Variants in TMEM26 observed in about 807,000 individuals in gnomAD.
TMEM26 encodes the protein transmembrane protein 26.
TMEM26 carries 38 observed loss-of-function variants against 28.8 expected under a neutral mutation model. The ratio of observed to expected loss-of-function variants is 1.32; its 90% CI spans 1.02 to 1.73. The LOEUF is 1.73. Ranked by LOEUF, TMEM26 falls within the 40% of genes most tolerant of loss-of-function variation. The pLI is 0.00. For missense variants in TMEM26, 518 were observed against 447.1 expected (o/e 1.16, Z -1.43); for synonymous variants, 227 against 182.9 (o/e 1.24, Z -1.95).
intron 1 of TMEM26, among the ~76,000 whole-genome samples, chr10:61,448,031 A>G (rs531170811): frequency 1.4e-4 from 21 of 152,388 alleles, no homozygotes; most frequent in South Asian, 8.3e-4. Flanking sequence ...ATTCACTTCC[A>G]TATTCTCAGT....
At position 61,436,178 on chromosome 10, in the gene TMEM26, C is replaced by T. The variant is rs573061733; in HGVS notation, c.262G>A (p.Glu88Lys). 1.2e-6 allele frequency: 2 copies of T among 1,602,978 alleles called. No homozygotes were observed. Among genetic ancestry groups the T allele is most frequent in the African/African-American group, 2.7e-5 (2 of 74,558 alleles). ...TTTCCAAAAAGAAGTACCTGGGTCTCATGGTGCAATTCAAGAAGCCATAAT... is the reference window on the plus strand; with the variant it reads ...TTTCCAAAAAGAAGTACCTGGGTCTTATGGTGCAATTCAAGAAGCCATAAT... ...PSLWLLELHH[E>K]TQYCSIQAEG... The change falls in exon 2 of 6, where the codon GAG (glutamate) becomes AAG (lysine). Residue 88 changes from glutamate (E) to lysine (K), a missense_variant. Physicochemically the swap from Glu to Lys is moderately conservative, Grantham distance 56. Transcript: ENST00000399298.
At chr10:61,419,994 T>A (rs904660179) in intron 4 of TMEM26, among the ~76,000 whole-genome samples, 23 of 152,228 alleles carry the variant, frequency 1.5e-4, no homozygotes, top group Admixed American at 1.2e-3. Flanking sequence ...AAGTGGGGGT[T>A]AGTTAAGGGA....
intron 1 of TMEM26, among the ~76,000 whole-genome samples, chr10:61,443,692 A>G (rs1840133445): frequency 6.6e-6 from 1 of 152,166 alleles, no homozygotes; most frequent in Admixed American, 6.5e-5. Flanking sequence ...TATAATTTTC[A>G]TTGTTTGTTG....
At chr10:61,428,864 A>G in intron 4 of TMEM26, 62 bp downstream of exon 4, 1 of 1,407,176 alleles carries the variant, frequency 7.1e-7, no homozygotes, top group East Asian at 2.3e-5. Context: ...TCACAGAACA[A>G]AGAGACAGGT....
chr10:61,420,129 T>C (rs376972461), intron 4 of TMEM26, among the ~76,000 whole-genome samples: 34 of 152,200 alleles, frequency 2.2e-4, no homozygotes, highest in African/African-American at 7.5e-4. Flanking sequence ...ACACATATTT[T>C]GTATGTTATA....
chr10:61,451,118 A>G (rs1463346205), intron 1 of TMEM26, among the ~76,000 whole-genome samples: 3 of 152,144 alleles, frequency 2.0e-5, no homozygotes, highest in Admixed American at 6.5e-5. Flanking sequence ...TCTAAACACT[A>G]GTATATCCCC....
intron 1 of TMEM26, among the ~76,000 whole-genome samples, chr10:61,448,083 A>G (rs1271086331): frequency 6.6e-6 from 1 of 152,250 alleles, no homozygotes; most frequent in Non-Finnish European, 1.5e-5. Context: ...TGTTCCGTAC[A>G]CTGTTGTTGA....
rs761244993 is a variant in TMEM26, at chr10:61,428,938, T to A, written c.593A>T (p.Glu198Val). The A allele has an allele frequency of 1.7e-5, 27 of 1,612,966 alleles. 1 individual carries two copies. In the South Asian group the frequency reaches 3.0e-4, roughly 18 times the overall value. Reference sequence around the variant, plus strand: ...AAGGAATGCTCACCTCACATTTTGTTCTTCTAGGGTCTCACTTGTGAATTC... The same window carrying A: ...AAGGAATGCTCACCTCACATTTTGTACTTCTAGGGTCTCACTTGTGAATTC... ...ILEFTSETLE[E>V]QNVRNSPALV... The change falls in exon 4 of 6, where the codon GAA (glutamate) becomes GTA (valine). Residue 198 changes from glutamate (E) to valine (V), a missense_variant. Transcript: ENST00000399298.
At chr10:61,421,207 A>G (rs1187972896) in intron 4 of TMEM26, among the ~76,000 whole-genome samples, 1 of 152,092 alleles carries the variant, frequency 6.6e-6, no homozygotes, top group Non-Finnish European at 1.5e-5. Context: ...ATAATTCAAT[A>G]AATGCATGGA....
In TMEM26 at chr10:61,449,043, G is replaced by A. The variant is rs896673700; in HGVS notation, c.191+3848C>T. Among the ~76,000 whole-genome samples the A allele has an allele frequency of 2.0e-5, 3 of 152,102 alleles. No individual in the cohort carries two copies. In the South Asian group the frequency reaches 6.2e-4, roughly 31 times the overall value. ...TGGTAATTCACAGATCCATTGGATT[G>A]TTGCCCAGACAATAGAAAATAAAAT... is the stretch of plus-strand genomic sequence containing the variant. On this transcript the variant is annotated intron_variant, in intron 1 of 5. Coordinates refer to ENST00000399298, the MANE Select transcript of TMEM26 (RefSeq NM_178505.8).
chr10:61,453,140 G>C lies in TMEM26; in HGVS notation c.-59C>G. On this transcript the variant is annotated 5_prime_UTR_variant, in exon 1 of 6. Coordinates refer to ENST00000399298, the MANE Select transcript of TMEM26 (RefSeq NM_178505.8). ...CTGCGCCCCCAGGACCCTGCCGGGC[G>C]TGCCCGGAGCCCACCGGTGAGCAGG... 6.4e-7 allele frequency: 1 copy of C among 1,559,382 alleles called. No individual in the cohort carries two copies. The highest frequency in any genetic ancestry group is 8.7e-7 in the Non-Finnish European group (1 of 1,145,504).
At chr10:61,421,460 C>A (rs936377141) in intron 4 of TMEM26, among the ~76,000 whole-genome samples, 5 of 152,040 alleles carry the variant, frequency 3.3e-5, no homozygotes, top group African/African-American at 7.2e-5. Context: ...CAGATTGTGA[C>A]CTTATTTAGA....
intron 2 of TMEM26, among the ~76,000 whole-genome samples, chr10:61,431,874 TTCCCTCCGTCCC>T (rs750174549): frequency 1.3e-5 from 2 of 152,028 alleles, no homozygotes; most frequent in African/African-American, 2.4e-5. Context: ...CAATTCACAC[TTCCCTCCGTCCC>T]TCCCCTCTCA....
In TMEM26 at chr10:61,409,099, G is replaced by A. The variant is rs1010713274; in HGVS notation, c.*1223C>T. 3.9e-5 allele frequency: 6 copies of A among 152,076 alleles called. No homozygotes were observed. The highest frequency in any genetic ancestry group is 7.2e-5 in the African/African-American group (3 of 41,386). The allele number at this position is 152,076 out of a possible 1,614,324, so 9.4% of individuals were successfully genotyped here. On this transcript the variant is annotated 3_prime_UTR_variant, in exon 6 of 6. Transcript: ENST00000399298. Reference sequence around the variant, plus strand: ...CTCGTGTAATTACTGCTACACACCCGAGCAAATTTTCACACTGTATCTTTA... The same window carrying A: ...CTCGTGTAATTACTGCTACACACCCAAGCAAATTTTCACACTGTATCTTTA...
At chr10:61,420,500 A>G (rs1324058712) in intron 4 of TMEM26, among the ~76,000 whole-genome samples, 1 of 152,186 alleles carries the variant, frequency 6.6e-6, no homozygotes, top group Non-Finnish European at 1.5e-5. Flanking sequence ...AACTCTGGTC[A>G]GAAACAATGA....
chr10:61,441,117 G>A (rs1840085733), intron 1 of TMEM26, among the ~76,000 whole-genome samples: 1 of 152,006 alleles, frequency 6.6e-6, no homozygotes, highest in Non-Finnish European at 1.5e-5. Flanking sequence ...TCTGCAGTTG[G>A]TTGAATCCGC....
Position 61,410,056 on chromosome 10 carries a change from C to A in TMEM26, c.*266G>T. On this transcript the variant is annotated 3_prime_UTR_variant, in exon 6 of 6. Transcript: ENST00000399298. Reference sequence around the variant, plus strand: ...CACTGTAACCTCTTCCATAGCTTTTCAAACAGTTCAAGACAAACAAATCAC... The same window carrying A: ...CACTGTAACCTCTTCCATAGCTTTTAAAACAGTTCAAGACAAACAAATCAC... 1 of 458,452 alleles carries A rather than the reference C, an allele frequency of 2.2e-6. No individual in the cohort carries two copies. The highest frequency in any genetic ancestry group is 2.0e-5 in the African/African-American group (1 of 51,276). 28.4% of individuals were successfully genotyped at this position (458,452 alleles called of 1,614,324 possible). A position where few individuals can be genotyped will look rare whatever the true frequency, so the allele number is the denominator to read the frequency against.
At chr10:61,429,389 C>G (rs991740835) in intron 3 of TMEM26, among the ~76,000 whole-genome samples, 2 of 151,992 alleles carry the variant, frequency 1.3e-5, no homozygotes, top group African/African-American at 2.4e-5. Flanking sequence ...CTTAAACTTA[C>G]GAGTGGGATT....
rs959510039 is a variant in TMEM26 at position 61,407,606 on chromosome 10, T to A, written c.*2716A>T. 1 of 152,222 alleles carries A rather than the reference T, an allele frequency of 6.6e-6. No homozygotes were observed. Among genetic ancestry groups the A allele is most frequent in the Non-Finnish European group, 1.5e-5 (1 of 68,034 alleles). 9.4% of individuals were successfully genotyped at this position (152,222 alleles called of 1,614,324 possible). On this transcript the variant is annotated 3_prime_UTR_variant, in exon 6 of 6. Transcript: ENST00000399298. ...TGAGGTGTGTTTCCGCACAGTATCA[T>A]TGAAACATGCACATTGTGTTTTCTT...
Sources: allele counts gnomAD v4.1 joint callset (sites outside exome capture counted in the v4.1 genomes callset), GRCh38; gene constraint gnomAD v4.1.1; transcripts MANE v1.5; gene names NCBI Gene and HGNC (gene_info 2026-07-23, HGNC 2026-07-21).